The following SYT14 variants were observed in gnomAD, a reference collection of about 807,000 sequenced individuals.
SYT14 encodes the protein synaptotagmin 14, also known as synaptotagmin-14.
In SYT14, 32 loss-of-function variants were observed where a neutral mutation model predicts 74.2. The observed-to-expected ratio is 0.43, with a 90% CI of 0.33 to 0.58. The LOEUF (loss-of-function observed/expected upper bound fraction) is 0.58, where lower values mean the gene tolerates loss of function less well. SYT14 is among the 20% of genes least tolerant of loss of function. The pLI is 0.05. For missense variants in SYT14, 791 were observed against 981.8 expected, an observed-to-expected ratio of 0.81 and a Z score of 2.60; for synonymous variants, 298 against 337.7, an observed-to-expected ratio of 0.88 and a Z score of 1.29.
intron 5 of SYT14, among the ~76,000 whole-genome samples, chr1:210,093,967 G>A (rs2081923113): frequency 6.6e-6 from 1 of 152,104 alleles, no homozygotes; most frequent in South Asian, 2.1e-4. Flanking sequence ...CCCTAGGGTG[G>A]CCACAGATCA....
intron 5 of SYT14, among the ~76,000 whole-genome samples, chr1:210,083,324 A>T (rs186336124): frequency 2.1e-4 from 32 of 152,304 alleles, no homozygotes; most frequent in Non-Finnish European, 3.5e-4. Context: ...TCAGGAAAAT[A>T]AATTAATTAA....
chr1:210,142,225 G>T (rs2082930267), intron 7 of SYT14, among the ~76,000 whole-genome samples: 1 of 152,208 alleles, frequency 6.6e-6, no homozygotes, highest in Non-Finnish European at 1.5e-5. Flanking sequence ...ACAGTTGCAA[G>T]TGTTGGCTTT....
intron 2 of SYT14, among the ~76,000 whole-genome samples, chr1:210,000,795 A>G (rs1233453209): frequency 1.3e-5 from 2 of 151,462 alleles, no homozygotes; most frequent in Non-Finnish European, 2.9e-5. Flanking sequence ...TTGTATTTTT[A>G]GTAGAGACGG....
At chr1:210,019,401 T>C (rs1256332601) in intron 4 of SYT14, among the ~76,000 whole-genome samples, 1 of 152,162 alleles carries the variant, frequency 6.6e-6, no homozygotes, top group Non-Finnish European at 1.5e-5. Context: ...GTCTTATATC[T>C]CTGCATTGTT....
At chr1:210,114,306 C>T (rs545161687) in intron 7 of SYT14, among the ~76,000 whole-genome samples, 7 of 151,480 alleles carry the variant, frequency 4.6e-5, no homozygotes, top group South Asian at 2.1e-4. Context: ...CCTGAAGGAA[C>T]GCCTGACCAC....
intron 2 of SYT14, among the ~76,000 whole-genome samples, chr1:209,961,934 G>A (rs1310200480): frequency 6.6e-6 from 1 of 152,044 alleles, no homozygotes; most frequent in African/African-American, 2.4e-5. Flanking sequence ...CAACGAAGTG[G>A]CTCCTAGTAT....
intron 2 of SYT14, among the ~76,000 whole-genome samples, chr1:209,985,364 C>G (rs2079553235): frequency 6.6e-6 from 1 of 152,218 alleles, no homozygotes; most frequent in South Asian, 2.1e-4. Flanking sequence ...CTTAAAAGTT[C>G]CAAATCAGTC....
intron 5 of SYT14, among the ~76,000 whole-genome samples, chr1:210,054,712 C>T (rs1295378668): frequency 6.6e-6 from 1 of 152,148 alleles, no homozygotes; most frequent in Non-Finnish European, 1.5e-5. Context: ...ACTGTTGTCT[C>T]TTAGGCCCCT....
At chr1:210,018,726 A>G (rs114461944) in intron 4 of SYT14, among the ~76,000 whole-genome samples, 159 of 152,346 alleles carry the variant, frequency 1.0e-3, no homozygotes, top group African/African-American at 3.5e-3. Flanking sequence ...TATACACGCA[A>G]TGTTCCCAAA....
intron 7 of SYT14, among the ~76,000 whole-genome samples, chr1:210,155,406 T>C (rs1027829272): frequency 6.6e-6 from 1 of 152,244 alleles, no homozygotes; most frequent in Non-Finnish European, 1.5e-5. Context: ...TGATAATCTT[T>C]AAACAATAAT....
At chr1:210,082,293 G>A (rs946559542) in intron 5 of SYT14, among the ~76,000 whole-genome samples, 1 of 152,120 alleles carries the variant, frequency 6.6e-6, no homozygotes, top group Non-Finnish European at 1.5e-5. Flanking sequence ...CATACATCGA[G>A]CCAAACCATT....
chr1:210,112,486 C>CA (rs1175168500), intron 7 of SYT14, among the ~76,000 whole-genome samples: 1 of 151,366 alleles, frequency 6.6e-6, no homozygotes, highest in East Asian at 1.9e-4. Flanking sequence ...TTCCTTGGTC[C>CA]AAAAACCATT....
intron 4 of SYT14, among the ~76,000 whole-genome samples, chr1:210,020,179 GTAGT>G (rs2080274068): frequency 6.6e-6 from 1 of 152,018 alleles, no homozygotes; most frequent in African/African-American, 2.4e-5. Context: ...ACATGATATT[GTAGT>G]TATTCTTTCC....
exon 4 of SYT14, chr1:210,015,787 G>A (rs954291561): frequency 6.5e-6 from 6 of 925,478 alleles, no homozygotes; most frequent in Non-Finnish European, 8.3e-6. Context: ...AAACCAAGTG[G>A]TTTGATTTTT....
At chr1:209,953,850 C>G (rs2205989) in intron 2 of SYT14, among the ~76,000 whole-genome samples, 69,352 of 151,932 alleles carry the variant, frequency 0.46, 17,109 homozygotes, top group Non-Finnish European at 0.56. Flanking sequence ...AAATTGAAGT[C>G]AGTTTCATGA....
chr1:210,169,539 TAGC>T (rs886580773), exon 10 of SYT14: 10 of 152,200 alleles, frequency 6.6e-5, no homozygotes, highest in Admixed American at 2.0e-4. Context: ...ATTCCAGTAG[TAGC>T]TTGCGTTATA....
chr1:210,036,583 T>C (rs2080668092), intron 5 of SYT14, among the ~76,000 whole-genome samples: 1 of 152,066 alleles, frequency 6.6e-6, no homozygotes. Context: ...CATATGGCTT[T>C]TATTATTTTG....
chr1:209,940,888 C>T (rs937506202), intron 1 of SYT14, among the ~76,000 whole-genome samples: 1 of 152,094 alleles, frequency 6.6e-6, no homozygotes, highest in African/African-American at 2.4e-5. Context: ...ACTGTTATAC[C>T]ACTCCTTCAC....
chr1:210,158,739 G>A (rs553780537), intron 8 of SYT14, among the ~76,000 whole-genome samples: 2 of 152,214 alleles, frequency 1.3e-5, no homozygotes, highest in East Asian at 1.9e-4. Context: ...GTGTTAGGTG[G>A]GAGGTAACTA....
Sources: allele counts gnomAD v4.1 joint callset (sites outside exome capture counted in the v4.1 genomes callset), GRCh38; gene constraint gnomAD v4.1.1; transcripts MANE v1.5; gene names NCBI Gene and HGNC (gene_info 2026-07-23, HGNC 2026-07-21).